The following PDE1A variants were observed in gnomAD, a reference collection of about 807,000 sequenced individuals.
PDE1A encodes the protein phosphodiesterase 1A.
A neutral mutation model predicts 61.7 loss-of-function variants in PDE1A; 35 were observed. The ratio of observed to expected loss-of-function variants is 0.57; its 90% CI spans 0.43 to 0.75. PDE1A has a LOEUF of 0.75. PDE1A is among the 30% of genes least tolerant of loss of function. The probability of loss-of-function intolerance (pLI) is 0.00; values close to 1 mark genes in which losing one functional copy is unlikely to be tolerated. For synonymous variants in PDE1A, 232 were observed against 213.2 expected, an observed-to-expected ratio of 1.09 and a Z score of -0.77; for missense variants, 597 against 630.6, an observed-to-expected ratio of 0.95 and a Z score of 0.57.
At chr2:182,458,119 A>G (rs1311626478) in intron 2 of PDE1A, among the ~76,000 whole-genome samples, 1 of 152,064 alleles carries the variant, frequency 6.6e-6, no homozygotes, top group Non-Finnish European at 1.5e-5. Flanking sequence ...TGAAAATTTT[A>G]GGAGAATGCC....
intron 2 of PDE1A, among the ~76,000 whole-genome samples, chr2:182,445,372 C>T (rs932758954): frequency 1.3e-5 from 2 of 152,032 alleles, no homozygotes; most frequent in Non-Finnish European, 2.9e-5. Flanking sequence ...CTTGAGCTAT[C>T]GCCTCAAAAT....
At chr2:182,511,730 T>C (rs1389228918) in intron 2 of PDE1A, among the ~76,000 whole-genome samples, 1 of 151,848 alleles carries the variant, frequency 6.6e-6, no homozygotes, top group Non-Finnish European at 1.5e-5. Flanking sequence ...GGAGCCCCCC[T>C]GTTTGCCAGC....
At chr2:182,470,528 A>T (rs1327079765) in intron 2 of PDE1A, among the ~76,000 whole-genome samples, 2 of 151,870 alleles carry the variant, frequency 1.3e-5, no homozygotes, top group Non-Finnish European at 2.9e-5. Context: ...AGTAAGAGAG[A>T]GAAATAGGAA....
At chr2:182,302,025 T>G (rs779134879) in intron 1 of PDE1A, among the ~76,000 whole-genome samples, 1 of 152,220 alleles carries the variant, frequency 6.6e-6, no homozygotes, top group East Asian at 1.9e-4. Context: ...GTTGGGTTTT[T>G]AAAAGAAATT....
At chr2:182,475,745 T>G (rs1414483905) in intron 2 of PDE1A, among the ~76,000 whole-genome samples, 2 of 151,914 alleles carry the variant, frequency 1.3e-5, no homozygotes, top group Non-Finnish European at 2.9e-5. Flanking sequence ...TTTATTTCAC[T>G]CATTAAAACT....
intron 1 of PDE1A, among the ~76,000 whole-genome samples, chr2:182,406,373 TA>T (rs34640250): frequency 0.67 from 99,133 of 149,064 alleles, 33,036 homozygotes; most frequent in East Asian, 0.95. Flanking sequence ...TGGCTCACAG[TA>T]AAAAAAAAAA....
the PDE1A span, among the ~76,000 whole-genome samples, chr2:182,675,218 T>C: frequency 1.5e-4 from 23 of 152,328 alleles, no homozygotes; most frequent in African/African-American, 5.3e-4. Flanking sequence ...TTTGGTTTTC[T>C]GTTCCTACAT....
chr2:182,585,331 C>T, the PDE1A span, among the ~76,000 whole-genome samples: 5 of 152,134 alleles, frequency 3.3e-5, no homozygotes, highest in African/African-American at 1.2e-4. Context: ...TTGGGAGTCT[C>T]ACTCCTATTT....
intron 1 of PDE1A, among the ~76,000 whole-genome samples, chr2:182,387,789 G>T (rs1273068277): frequency 1.3e-5 from 2 of 150,992 alleles, no homozygotes; most frequent in Non-Finnish European, 3.0e-5. Flanking sequence ...AAGAAAGAAA[G>T]AATCACTCTA....
chr2:182,579,610 G>C, the PDE1A span, among the ~76,000 whole-genome samples: 1 of 152,048 alleles, frequency 6.6e-6, no homozygotes, highest in Non-Finnish European at 1.5e-5. Flanking sequence ...TGAGTATATA[G>C]AGCCACTTTG....
chr2:182,319,736 C>A (rs1696579480), intron 1 of PDE1A, among the ~76,000 whole-genome samples: 1 of 152,182 alleles, frequency 6.6e-6, no homozygotes, highest in Non-Finnish European at 1.5e-5. Context: ...GACTTCAGCT[C>A]CTGCTGACAA....
intron 1 of PDE1A, among the ~76,000 whole-genome samples, chr2:182,377,536 G>C (rs1490959858): frequency 2.0e-5 from 3 of 152,160 alleles, no homozygotes; most frequent in African/African-American, 7.2e-5. Flanking sequence ...ACATTGTCAA[G>C]TGTTGACAAG....
At chr2:182,461,456 T>A (rs1223438557) in intron 2 of PDE1A, among the ~76,000 whole-genome samples, 1 of 152,022 alleles carries the variant, frequency 6.6e-6, no homozygotes, top group African/African-American at 2.4e-5. Context: ...CTCTCCCATC[T>A]CTCTCCCATA....
chr2:182,575,652 G>A, the PDE1A span, among the ~76,000 whole-genome samples: 1 of 149,658 alleles, frequency 6.7e-6, no homozygotes, highest in Non-Finnish European at 1.5e-5. Context: ...CCAGCCTAGA[G>A]GTCTTAGTTC....
At chr2:182,307,966 C>A (rs746898037) in intron 1 of PDE1A, among the ~76,000 whole-genome samples, 6 of 152,076 alleles carry the variant, frequency 3.9e-5, no homozygotes, top group Non-Finnish European at 5.9e-5. Context: ...TAAATTAGTA[C>A]AATCATTATG....
chr2:182,292,671 A>T (rs913977822), intron 1 of PDE1A, among the ~76,000 whole-genome samples: 4 of 152,052 alleles, frequency 2.6e-5, no homozygotes, highest in African/African-American at 4.8e-5. Context: ...CAGAAACAAG[A>T]AAGTGGAAAC....
At chr2:182,196,756 A>C (rs574278324) in intron 10 of PDE1A, among the ~76,000 whole-genome samples, 1 of 150,722 alleles carries the variant, frequency 6.6e-6, no homozygotes, top group African/African-American at 2.4e-5. Context: ...TCATTAGTCT[A>C]TTTTTCATTG....
chr2:182,567,365 A>G, the PDE1A span, among the ~76,000 whole-genome samples: 1 of 152,218 alleles, frequency 6.6e-6, no homozygotes, highest in African/African-American at 2.4e-5. Flanking sequence ...ATTTTATAGC[A>G]GAAGTACTAT....
At chr2:182,362,016 G>A (rs1699541557) in intron 1 of PDE1A, among the ~76,000 whole-genome samples, 1 of 151,996 alleles carries the variant, frequency 6.6e-6, no homozygotes, top group African/African-American at 2.4e-5. Flanking sequence ...TGCTGGTTGT[G>A]TAAAGAGTTT....
Sources: gnomAD v4.1 joint callset for allele counts (sites outside exome capture counted in the v4.1 genomes callset) on GRCh38, gnomAD v4.1.1 for gene constraint, MANE v1.5 for transcripts, NCBI Gene and HGNC (gene_info 2026-07-23, HGNC 2026-07-21) for gene names.